The following RMDN2 variants were observed in gnomAD, a reference collection of about 807,000 sequenced individuals.
The protein encoded by RMDN2 is regulator of microtubule dynamics protein 2.
A neutral mutation model predicts 52.8 loss-of-function variants in RMDN2; 61 were observed. The ratio of observed to expected loss-of-function variants is 1.16; its 90% CI spans 0.94 to 1.43. The LOEUF (loss-of-function observed/expected upper bound fraction) is 1.43. Among genes scored for constraint, RMDN2 ranks in the 40% most tolerant of loss-of-function variants. The pLI, the probability that RMDN2 is intolerant of heterozygous loss-of-function variation, is 0.00. For missense variants in RMDN2, 592 were observed against 475.3 expected, an observed-to-expected ratio of 1.25 and a Z score of -2.28; for synonymous variants, 180 against 153.1, an observed-to-expected ratio of 1.18 and a Z score of -1.30.
chr2:37,944,239 C>T (rs1668035560), intron 2 of RMDN2, among the ~76,000 whole-genome samples: 1 of 151,182 alleles, frequency 6.6e-6, no homozygotes, highest in African/African-American at 2.4e-5. Flanking sequence ...TTTAGTTTTA[C>T]AGTATCTGTA....
chr2:38,047,460 C>T (rs966615947), intron 10 of RMDN2, among the ~76,000 whole-genome samples: 15 of 152,162 alleles, frequency 9.9e-5, no homozygotes, highest in Admixed American at 2.0e-4. Context: ...CTGATACATG[C>T]TACAAAGTAG....
At chr2:38,041,224 C>G (rs191091256) in intron 10 of RMDN2, among the ~76,000 whole-genome samples, 10 of 152,270 alleles carry the variant, frequency 6.6e-5, no homozygotes, top group Admixed American at 3.9e-4. Context: ...AGGCACCCAG[C>G]AGTGTCTGAC....
intron 10 of RMDN2, among the ~76,000 whole-genome samples, chr2:38,065,503 G>A (rs1300319205): frequency 6.6e-6 from 1 of 152,154 alleles, no homozygotes; most frequent in Non-Finnish European, 1.5e-5. Context: ...ACCTAAAGGG[G>A]CCTCAAATGA....
chr2:37,921,238 ACT>A (rs1156895377), upstream of RMDN2, among the ~76,000 whole-genome samples: 3 of 152,248 alleles, frequency 2.0e-5, no homozygotes, highest in African/African-American at 7.2e-5. Flanking sequence ...TGCACTAATC[ACT>A]TAGTCTATGG....
intron 2 of RMDN2, chr2:37,952,026 C>A: frequency 1.2e-6 from 2 of 1,613,350 alleles, no homozygotes; most frequent in Non-Finnish European, 1.7e-6. Context: ...GCATCCCTCT[C>A]AAAGTGGAAC....
Position 38,017,269 on chromosome 2 carries a change from A to G in RMDN2, c.*30A>G, listed in dbSNP as rs1185158749. The stretch of plus-strand genomic sequence containing the variant: ...ACGAATTTACTCTTCAACAAATCAG[A>G]TGTGGTCTACCAAAATTTAAATGAA... On this transcript the variant is annotated 3_prime_UTR_variant, in exon 11 of 11. Coordinates refer to ENST00000354545, the MANE Select transcript of RMDN2 (RefSeq NM_001170791.3). The G allele has an allele frequency of 4.0e-6, 6 of 1,496,536 alleles. No homozygotes were observed. The South Asian group carries it at 8.2e-5, about 20-fold the overall frequency. The allele number at this position is 1,496,536 out of a possible 1,614,324, so 92.7% of individuals were successfully genotyped here.
intron 2 of RMDN2, among the ~76,000 whole-genome samples, chr2:37,942,203 G>A (rs933372490): frequency 7.9e-5 from 12 of 152,154 alleles, no homozygotes; most frequent in African/African-American, 1.9e-4. Context: ...AATCCCACCC[G>A]GCTTCACCTC....
intron 10 of RMDN2, among the ~76,000 whole-genome samples, chr2:38,033,981 T>C (rs336037): frequency 0.71 from 107,674 of 152,240 alleles, 39,714 homozygotes; most frequent in African/African-American, 0.92. Context: ...CTAGGCATCC[T>C]ATTAAAAGAA....
At chr2:37,921,176 A>G (rs568815014), upstream of RMDN2, among the ~76,000 whole-genome samples, 6 of 152,358 alleles carry the variant, frequency 3.9e-5, no homozygotes, top group East Asian at 9.6e-4. Flanking sequence ...TTTGTTCAGT[A>G]TAGGAGTATT....
intron 1 of RMDN2, among the ~76,000 whole-genome samples, chr2:37,926,038 A>G (rs1006947870): frequency 1.3e-5 from 2 of 152,240 alleles, no homozygotes; most frequent in African/African-American, 4.8e-5. Context: ...CAGGTTTTCC[A>G]GGACGCTGTA....
chr2:37,950,591 T>G, intron 2 of RMDN2: 1 of 1,613,186 alleles, frequency 6.2e-7, no homozygotes, highest in Non-Finnish European at 8.5e-7. Flanking sequence ...GGGAAAGTGC[T>G]TAAGGTAAGC....
At chr2:38,021,587 C>T (rs768641920), downstream of RMDN2, among the ~76,000 whole-genome samples, 1 of 152,158 alleles carries the variant, frequency 6.6e-6, no homozygotes, top group Non-Finnish European at 1.5e-5. Context: ...ACTCCAGACA[C>T]GCCGCCTTTG....
At chr2:38,032,089 A>T (rs1400278375) in intron 10 of RMDN2, among the ~76,000 whole-genome samples, 10 of 152,200 alleles carry the variant, frequency 6.6e-5, no homozygotes, top group Non-Finnish European at 5.9e-5. Flanking sequence ...TTTTTACATT[A>T]ACTTTATTGA....
chr2:37,929,132 G>T, intron 1 of RMDN2, 130 bp from the exon 2 acceptor site: 1 of 603,174 alleles, frequency 1.7e-6, no homozygotes, highest in Non-Finnish European at 3.0e-6. Flanking sequence ...CCCACCCTTT[G>T]GGCTATTGTC....
chr2:38,032,011 A>T (rs574646169), intron 10 of RMDN2, among the ~76,000 whole-genome samples: 8 of 152,278 alleles, frequency 5.3e-5, no homozygotes, highest in Non-Finnish European at 1.2e-4. Flanking sequence ...AAAAAAAGTG[A>T]GTGCTCTCTC....
At chr2:38,009,543 C>G (rs1183372869) in intron 10 of RMDN2, among the ~76,000 whole-genome samples, 1 of 152,160 alleles carries the variant, frequency 6.6e-6, no homozygotes, top group Non-Finnish European at 1.5e-5. Context: ...GTTCTCGTGC[C>G]TTGGTTTTCA....
intron 2 of RMDN2, chr2:37,951,505 C>T (rs766980027): frequency 9.3e-6 from 15 of 1,611,820 alleles, no homozygotes; most frequent in East Asian, 6.7e-5. Flanking sequence ...CAAAGTAGAG[C>T]TAACTTTGAT....
intron 3 of RMDN2, chr2:37,974,575 T>C (rs1330815876): frequency 6.6e-6 from 1 of 152,568 alleles, no homozygotes; most frequent in Non-Finnish European, 1.4e-5. Flanking sequence ...CATTTGTTGA[T>C]TTTGCAGTGT....
At chr2:38,033,156 G>C (rs114657585) in intron 10 of RMDN2, 2 of 152,130 alleles carry the variant, frequency 1.3e-5, no homozygotes, top group Admixed American at 6.5e-5. Context: ...GACCAGTGAC[G>C]TCAAGCATCC....
Sources: gnomAD v4.1 joint callset for allele counts (sites outside exome capture counted in the v4.1 genomes callset) on GRCh38, gnomAD v4.1.1 for gene constraint, MANE v1.5 for transcripts, NCBI Gene and HGNC (gene_info 2026-07-23, HGNC 2026-07-21) for gene names.